RALYL: variants seen among roughly 807,000 people sequenced by gnomAD.
The protein encoded by RALYL is RALY RNA binding protein like, also known as RNA-binding Raly-like protein.
RALYL carries 29 observed loss-of-function variants against 35.1 expected under a neutral mutation model. The observed-to-expected ratio is 0.83, with a 90% CI of 0.61 to 1.13. The LOEUF (loss-of-function observed/expected upper bound fraction) is 1.13, where lower values mean the gene tolerates loss of function less well. Among genes scored for constraint, RALYL ranks in the 50% most tolerant of loss-of-function variants. RALYL has a pLI of 0.00. For synonymous variants in RALYL, 120 were observed against 127.6 expected (o/e 0.94, Z 0.40); for missense variants, 359 against 360.4 (o/e 1.00, Z 0.03).
intron 1 of RALYL, among the ~76,000 whole-genome samples, chr8:84,190,866 A>G (rs1286183665): frequency 7.0e-6 from 1 of 141,846 alleles, no homozygotes; most frequent in African/African-American, 3.0e-5. Flanking sequence ...ATTTGGGAAC[A>G]TCTGCTTTTT....
chr8:84,521,403 C>G (rs1306733495), intron 1 of RALYL, among the ~76,000 whole-genome samples: 2 of 152,216 alleles, frequency 1.3e-5, no homozygotes, highest in African/African-American at 4.8e-5. Flanking sequence ...CAGACTAATA[C>G]ATCAACATAG....
rs115368759 is a variant in RALYL at position 84,368,084 on chromosome 8, G to A, written c.-23-161215G>A. 5.8e-3 allele frequency among the ~76,000 whole-genome samples: 884 copies of A among 152,222 alleles called. 10 individuals carry two copies. The highest frequency in any genetic ancestry group is 0.02 in the African/African-American group (813 of 41,554). The stretch of plus-strand genomic sequence containing the variant: ...AACAAGTCTCCAACTCGTGATACAC[G>A]CAGAAGTTTCATTGAGTTGATGTTT... On this transcript the variant is annotated intron_variant, in intron 1 of 8. Coordinates refer to ENST00000521268, the MANE Select transcript of RALYL (RefSeq NM_173848.7).
At chr8:84,439,931 C>T (rs1055911821) in intron 1 of RALYL, among the ~76,000 whole-genome samples, 2 of 152,070 alleles carry the variant, frequency 1.3e-5, no homozygotes, top group African/African-American at 4.8e-5. Flanking sequence ...AAGGTTCAAA[C>T]CCTTTTAACT....
intron 2 of RALYL, among the ~76,000 whole-genome samples, chr8:84,571,452 G>A (rs1371715818): frequency 1.3e-5 from 2 of 151,716 alleles, no homozygotes; most frequent in Non-Finnish European, 2.9e-5. Context: ...TGTGATATGA[G>A]TTGTTAATGT....
intron 4 of RALYL, among the ~76,000 whole-genome samples, chr8:84,846,757 G>C (rs964617720): frequency 1.3e-5 from 2 of 152,120 alleles, no homozygotes; most frequent in Admixed American, 6.5e-5. Flanking sequence ...TGTGTTTCAA[G>C]GAATTTATCC....
At chr8:84,403,820 G>A (rs2043187756) in intron 1 of RALYL, among the ~76,000 whole-genome samples, 1 of 151,984 alleles carries the variant, frequency 6.6e-6, no homozygotes, top group Non-Finnish European at 1.5e-5. Flanking sequence ...CATGAGCATG[G>A]AATGTTTTTT....
intron 1 of RALYL, among the ~76,000 whole-genome samples, chr8:84,409,349 G>A (rs552156993): frequency 2.0e-5 from 3 of 152,040 alleles, no homozygotes; most frequent in African/African-American, 7.2e-5. Context: ...CTGATTCTTT[G>A]CAATGTGTAT....
At chr8:84,603,355 G>T (rs1361690362) in intron 2 of RALYL, among the ~76,000 whole-genome samples, 1 of 151,942 alleles carries the variant, frequency 6.6e-6, no homozygotes, top group Non-Finnish European at 1.5e-5. Context: ...TACCTAAAAA[G>T]CTTCCTCCTT....
At chr8:84,459,671 T>G (rs969567209) in intron 1 of RALYL, among the ~76,000 whole-genome samples, 2 of 151,780 alleles carry the variant, frequency 1.3e-5, no homozygotes, top group Non-Finnish European at 3.0e-5. Context: ...AGTTTCTGTT[T>G]TGATGGCTTC....
chr8:84,728,857 A>G (rs1028660939), intron 2 of RALYL, among the ~76,000 whole-genome samples: 1 of 152,188 alleles, frequency 6.6e-6, no homozygotes, highest in Non-Finnish European at 1.5e-5. Flanking sequence ...TACCAGTACC[A>G]TGCTGTTTTG....
At chr8:84,837,733 A>G (rs1486748926) in intron 4 of RALYL, among the ~76,000 whole-genome samples, 3 of 152,210 alleles carry the variant, frequency 2.0e-5, no homozygotes, top group African/African-American at 7.2e-5. Flanking sequence ...ATCTTGAGAG[A>G]ATGTGAATGA....
intron 1 of RALYL, among the ~76,000 whole-genome samples, chr8:84,199,225 T>C (rs1816227611): frequency 6.6e-6 from 1 of 152,214 alleles, no homozygotes; most frequent in African/African-American, 2.4e-5. Context: ...GTCTTTTCGA[T>C]GTGCATTTCT....
At chr8:84,759,690 TCTTA>T (rs377676941) in intron 2 of RALYL, among the ~76,000 whole-genome samples, 140 of 152,318 alleles carry the variant, frequency 9.2e-4, no homozygotes, top group African/African-American at 3.1e-3. Context: ...CCTAAGGTTT[TCTTA>T]CTTATAAAAT....
At chr8:84,260,014 C>G (rs961864437) in intron 1 of RALYL, among the ~76,000 whole-genome samples, 3 of 152,094 alleles carry the variant, frequency 2.0e-5, no homozygotes, top group African/African-American at 7.2e-5. Flanking sequence ...TAAAAACTGA[C>G]TGTGTATTTT....
chr8:84,217,736 A>C (rs1448278882), intron 1 of RALYL, among the ~76,000 whole-genome samples: 1 of 152,134 alleles, frequency 6.6e-6, no homozygotes, highest in Non-Finnish European at 1.5e-5. Flanking sequence ...ACTTTGTCTC[A>C]CTACCTGTTT....
intron 3 of RALYL, among the ~76,000 whole-genome samples, chr8:84,782,178 T>C (rs563539398): frequency 6.6e-6 from 1 of 152,180 alleles, no homozygotes; most frequent in Non-Finnish European, 1.5e-5. Flanking sequence ...TTTATCATCC[T>C]ATAAAATTCT....
intron 2 of RALYL, among the ~76,000 whole-genome samples, chr8:84,581,332 C>T (rs143730313): frequency 6.6e-6 from 1 of 152,288 alleles, no homozygotes; most frequent in African/African-American, 2.4e-5. Flanking sequence ...GAACACTTTG[C>T]TTCACACCTT....
In RALYL at chr8:84,682,819, GT is replaced by G. The variant is rs1402590689; in HGVS notation, c.257-91751del. Among the ~76,000 whole-genome samples the G allele has an allele frequency of 4.0e-3, 606 of 150,954 alleles. 6 individuals are homozygous for G. Among genetic ancestry groups the G allele is most frequent in the African/African-American group, 0.013 (554 of 41,170 alleles). Reference sequence around the variant, plus strand: ...CCTGGATTCATTGATTTTTTGATGGGTTTTTTTTTGTCTCTATTTCCTTCAG... The same window carrying G: ...CCTGGATTCATTGATTTTTTGATGGGTTTTTTTTGTCTCTATTTCCTTCAG... On this transcript the variant is annotated intron_variant, in intron 2 of 8. Transcript: ENST00000521268.
intron 3 of RALYL, among the ~76,000 whole-genome samples, chr8:84,780,230 T>G (rs1411398840): frequency 6.6e-6 from 1 of 152,176 alleles, no homozygotes; most frequent in Non-Finnish European, 1.5e-5. Flanking sequence ...ACCCGCCATA[T>G]TAATACATCC....
Sources: gnomAD v4.1 joint callset for allele counts (sites outside exome capture counted in the v4.1 genomes callset) on GRCh38, gnomAD v4.1.1 for gene constraint, MANE v1.5 for transcripts, NCBI Gene and HGNC (gene_info 2026-07-23, HGNC 2026-07-21) for gene names.